SLC16A9: variants seen among roughly 807,000 people sequenced by gnomAD.
The protein encoded by SLC16A9 is monocarboxylate transporter 9.
In SLC16A9, 26 loss-of-function variants were observed where a neutral mutation model predicts 44.3. That is an observed-to-expected ratio of 0.59 (90% confidence interval 0.43 to 0.81). The LOEUF is 0.81. Ranked by LOEUF, SLC16A9 falls within the 40% of genes least tolerant of loss-of-function variation. The pLI is 0.00. For missense variants in SLC16A9, 559 were observed against 595.8 expected, an observed-to-expected ratio of 0.94 and a Z score of 0.64; for synonymous variants, 230 against 225.1, an observed-to-expected ratio of 1.02 and a Z score of -0.19.
At chr10:59,704,119 A>T (rs957425962) in intron 1 of SLC16A9, among the ~76,000 whole-genome samples, 3 of 152,174 alleles carry the variant, frequency 2.0e-5, no homozygotes, top group Non-Finnish European at 2.9e-5. Context: ...CTGGGCCCTC[A>T]TTCTTACATA....
chr10:59,675,524 G>C (rs889227761), intron 2 of SLC16A9, among the ~76,000 whole-genome samples: 1 of 152,166 alleles, frequency 6.6e-6, no homozygotes, highest in African/African-American at 2.4e-5. Flanking sequence ...CAGGGGAAGA[G>C]AGTCTCCCAG....
At chr10:59,696,542 G>A (rs1840380938) in intron 1 of SLC16A9, among the ~76,000 whole-genome samples, 1 of 152,078 alleles carries the variant, frequency 6.6e-6, no homozygotes, top group African/African-American at 2.4e-5. Context: ...TAGGAAGTGA[G>A]GAGCGTCTCT....
intron 1 of SLC16A9, among the ~76,000 whole-genome samples, chr10:59,701,981 G>T (rs1432603684): frequency 6.6e-6 from 1 of 152,166 alleles, no homozygotes; most frequent in Admixed American, 6.5e-5. Context: ...ATTGTTATTT[G>T]TTAAGGGACT....
chr10:59,696,126 T>TCC (rs1285099685), intron 1 of SLC16A9, among the ~76,000 whole-genome samples: 6 of 151,968 alleles, frequency 3.9e-5, no homozygotes, highest in African/African-American at 1.5e-4. Context: ...CCTCTCCCTC[T>TCC]CTTGCCACGG....
chr10:59,681,297 T>G (rs188757793), intron 2 of SLC16A9, among the ~76,000 whole-genome samples: 2 of 151,958 alleles, frequency 1.3e-5, no homozygotes, highest in Non-Finnish European at 2.9e-5. Flanking sequence ...TGTTTCAGGG[T>G]TTGCATCTTA....
At chr10:59,673,424 A>G (rs1022945370) in intron 2 of SLC16A9, among the ~76,000 whole-genome samples, 3 of 152,214 alleles carry the variant, frequency 2.0e-5, no homozygotes, top group Non-Finnish European at 4.4e-5. Flanking sequence ...ATTCTTTCCT[A>G]CTAGGACTGT....
chr10:59,659,535 C>T lies in SLC16A9; in HGVS notation c.436+4692G>A, dbSNP rs147362133. On this transcript the variant is annotated intron_variant, in intron 4 of 5. Transcript: ENST00000395348. ...GAGACCTATAAGGAGACTTAGACTC[C>T]CACACAATAATAGTGGGAGGTTTTA... Among the ~76,000 whole-genome samples, 53 of 152,150 alleles carry T rather than the reference C, an allele frequency of 3.5e-4. No individual in the cohort carries two copies. The East Asian group carries it at 0.01, about 29-fold the overall frequency.
intron 3 of SLC16A9, among the ~76,000 whole-genome samples, chr10:59,666,332 T>C (rs946929174): frequency 5.4e-5 from 8 of 148,756 alleles, no homozygotes; most frequent in African/African-American, 1.7e-4. Flanking sequence ...AAGCAAAAGG[T>C]GGCATGATTC....
intron 1 of SLC16A9, among the ~76,000 whole-genome samples, chr10:59,695,008 A>G (rs1266378191): frequency 1.3e-5 from 2 of 151,764 alleles, no homozygotes; most frequent in African/African-American, 4.8e-5. Context: ...ATGCAACAAC[A>G]TGAATAACCT....
chr10:59,652,847 A>G lies in SLC16A9; in HGVS notation c.1455T>C (p.Ser485=). 1 of 1,614,072 alleles carries G rather than the reference A, an allele frequency of 6.2e-7. No homozygotes were observed. The highest frequency in any genetic ancestry group is 8.5e-7 in the Non-Finnish European group (1 of 1,179,962). Residue 485 remains serine (S), a synonymous_variant, in exon 6 of 6, where the codon TCT becomes TCC. Coordinates refer to ENST00000395348, the MANE Select transcript of SLC16A9 (RefSeq NM_194298.3). The part of the protein sequence containing the change: ...GFILLLAALP[S]WDTCNKQLPK... ...GGAGTTGCTTGTTGCATGTATCCCA[A>G]GAGGGCAAGGCTGCCAGCAGCAGAA...
rs540702181 is a variant in SLC16A9 at position 59,650,989 on chromosome 10, T to TG, written c.*1782_*1783insC. 3.5e-5 allele frequency: 5 copies of TG among 140,846 alleles called. No individual in the cohort carries two copies. The highest frequency in any genetic ancestry group is 7.4e-5 in the Non-Finnish European group (5 of 67,244). 8.7% of individuals were successfully genotyped at this position (140,846 alleles called of 1,614,324 possible). A position where few individuals can be genotyped will look rare whatever the true frequency, so the allele number is the denominator to read the frequency against. ...CTTTCAACACAACAAGTAGTTTAGT[T>TG]TTTTTTTTTTTTATGTCACTTATTT... On this transcript the variant is annotated 3_prime_UTR_variant, in exon 6 of 6. Coordinates refer to ENST00000395348, the MANE Select transcript of SLC16A9 (RefSeq NM_194298.3).
chr10:59,708,002 T>C (rs1196208736), intron 1 of SLC16A9, among the ~76,000 whole-genome samples: 2 of 152,226 alleles, frequency 1.3e-5, no homozygotes, highest in African/African-American at 4.8e-5. Flanking sequence ...ATACCTGTTA[T>C]TCCACTTGCC....
rs1213800122 is a variant in SLC16A9, at chr10:59,654,606, A to G, written c.437-17T>C. On this transcript the variant is annotated splice_polypyrimidine_tract_variant and intron_variant, in intron 4 of 5. Coordinates refer to ENST00000395348, the MANE Select transcript of SLC16A9 (RefSeq NM_194298.3). Reference sequence around the variant, plus strand: ...CGCTTGAACCTAAAAAGGGAATGGGAACTGTTCAACCTCGTAATCTGAGGC... The same window carrying G: ...CGCTTGAACCTAAAAAGGGAATGGGGACTGTTCAACCTCGTAATCTGAGGC... 7.1e-6 allele frequency: 11 copies of G among 1,548,374 alleles called. No homozygotes were observed. Among genetic ancestry groups the G allele is most frequent in the Non-Finnish European group, 9.5e-6 (11 of 1,155,164 alleles).
rs747184384 is a variant in SLC16A9 at position 59,684,211 on chromosome 10, G to A, written c.81C>T (p.Tyr27=). 67 of 1,613,832 alleles carry A rather than the reference G, an allele frequency of 4.2e-5. No homozygotes were observed. Among genetic ancestry groups the A allele is most frequent in the Admixed American group, 1.2e-4 (7 of 59,986 alleles). ...FVSFLTQFLC[Y]GSPLAVGVLY... is the part of the protein sequence containing the mutation. ...GGACTCCAACAGCTAGTGGGGATCCGTAACACAAAAACTGAGTAAGGAAGG... is the reference window on the plus strand; with the variant it reads ...GGACTCCAACAGCTAGTGGGGATCCATAACACAAAAACTGAGTAAGGAAGG... The change falls in exon 2 of 6, where the codon TAC becomes TAT. Residue 27 remains tyrosine (Y), a synonymous_variant. Transcript: ENST00000395348.
At chr10:59,683,344 G>A (rs72815824) in intron 2 of SLC16A9, among the ~76,000 whole-genome samples, 21,156 of 152,110 alleles carry the variant, frequency 0.14, 1,551 homozygotes, top group East Asian at 0.22. Context: ...GATTTTAATG[G>A]TGAAAAGGAA....
Position 59,652,942 on chromosome 10 carries a change from A to G in SLC16A9, c.1360T>C (p.Tyr454His). The change falls in exon 6 of 6, where the codon TAT becomes CAT. Residue 454 changes from tyrosine (Y) to histidine (H), a missense_variant. Physicochemically the swap from Tyr to His is moderately conservative, Grantham distance 83. Transcript: ENST00000395348. ...ATATCATAGGTCTGGGTCCAGTCAT[A>G]AAACCAACCTGAAAAGGCAGTAAGA... ...SLGPPIVGWF[Y>H]DWTQTYDIAF... 6.3e-7 allele frequency: 1 copy of G among 1,600,000 alleles called. No individual in the cohort carries two copies. The highest frequency in any genetic ancestry group is 8.5e-7 in the Non-Finnish European group (1 of 1,175,518).
intron 4 of SLC16A9, among the ~76,000 whole-genome samples, chr10:59,655,316 C>T (rs142577205): frequency 1.3e-3 from 198 of 152,148 alleles, no homozygotes; most frequent in African/African-American, 4.4e-3. Flanking sequence ...AACAAAAAAA[C>T]CCAAAAACCA....
intron 1 of SLC16A9, among the ~76,000 whole-genome samples, chr10:59,693,468 A>G (rs756725503): frequency 6.6e-6 from 1 of 152,232 alleles, no homozygotes; most frequent in Non-Finnish European, 1.5e-5. Flanking sequence ...GTGCTTCTAA[A>G]GTATTAAAAC....
chr10:59,653,441 A>AAAAAAAAAAAAAAAAAAAAAAAAAAC (rs1564693235), intron 5 of SLC16A9, among the ~76,000 whole-genome samples: 1 of 147,808 alleles, frequency 6.8e-6, no homozygotes. Flanking sequence ...AAAAAAAAAA[A>AAAAAAAAAAAAAAAAAAAAAAAAAAC]AAAAGCAGGC....
Sources: gnomAD v4.1 joint callset for allele counts (sites outside exome capture counted in the v4.1 genomes callset) on GRCh38, gnomAD v4.1.1 for gene constraint, MANE v1.5 for transcripts, NCBI Gene and HGNC (gene_info 2026-07-23, HGNC 2026-07-21) for gene names.